Variants in GTPBP4 observed in about 807,000 individuals in gnomAD.
The protein encoded by GTPBP4 is GTP binding protein 4, also known as GTP-binding protein 4.
Under a neutral mutation model 81.7 loss-of-function variants are expected in GTPBP4, and 15 were observed. The ratio of observed to expected loss-of-function variants is 0.18; its 90% CI spans 0.12 to 0.28. The LOEUF (loss-of-function observed/expected upper bound fraction) is 0.28, where lower values mean the gene tolerates loss of function less well. Among genes scored for constraint, GTPBP4 ranks in the 10% least tolerant of loss-of-function variants. GTPBP4 has a pLI of 1.00. For synonymous variants in GTPBP4, 272 were observed against 274.6 expected (o/e 0.99, Z 0.09); for missense variants, 847 against 793.8 (o/e 1.07, Z -0.81).
At chr10:1,011,380 C>CATT (rs1471014350) in intron 13 of GTPBP4, among the ~76,000 whole-genome samples, 3 of 152,354 alleles carry the variant, frequency 2.0e-5, no homozygotes, top group South Asian at 4.1e-4. Flanking sequence ...CCGTGTCCTC[C>CATT]ATTAGTTGCT....
intron 14 of GTPBP4, among the ~76,000 whole-genome samples, chr10:1,013,176 G>GT (rs1014581060): frequency 9.7e-4 from 147 of 152,058 alleles, no homozygotes; most frequent in Admixed American, 1.8e-3. Context: ...TGGAGATGGG[G>GT]TTTCACCATG....
At chr10:1,008,923 A>T in intron 10 of GTPBP4, 35 bp from the exon 11 acceptor site, 1 of 1,480,584 alleles carries the variant, frequency 6.8e-7, no homozygotes, top group South Asian at 1.1e-5. Context: ...TTCAGCAGGC[A>T]TTTCACATAA....
intron 1 of GTPBP4, among the ~76,000 whole-genome samples, chr10:989,810 G>T (rs1564464279): frequency 6.6e-6 from 1 of 152,066 alleles, no homozygotes; most frequent in African/African-American, 2.4e-5. Context: ...GTGTGATCCT[G>T]ACTGCAGCCA....
chr10:1,007,852 G>A (rs761268528), intron 10 of GTPBP4: 36 of 511,760 alleles, frequency 7.0e-5, no homozygotes, highest in South Asian at 3.6e-4. Context: ...TGCTGGGTGC[G>A]GTTGAGCATG....
In GTPBP4 at chr10:1,005,884, G is replaced by A. The variant is rs527956079; in HGVS notation, c.979G>A (p.Gly327Ser). ...VIETSTLTEE[G>S]VIKVKTEACD... Reference sequence around the variant, plus strand: ...AGAGACCAGCACCCTGACTGAGGAAGGTGTTATTAAAGTTAAAACAGAGGT... The same window carrying A: ...AGAGACCAGCACCCTGACTGAGGAAAGTGTTATTAAAGTTAAAACAGAGGT... Residue 327 changes from glycine (G) to serine (S), a missense_variant, in exon 9 of 17, where the codon GGT becomes AGT. Coordinates refer to ENST00000360803, the MANE Select transcript of GTPBP4 (RefSeq NM_012341.3). 2.5e-5 allele frequency: 39 copies of A among 1,584,416 alleles called. 1 individual carries two copies. In the Middle Eastern group the frequency reaches 8.4e-4, roughly 34 times the overall value.
Position 1,019,406 on chromosome 10 carries a change from C to A in GTPBP4, c.*2179C>A, listed in dbSNP as rs557918948. On this transcript the variant is annotated 3_prime_UTR_variant, in exon 17 of 17. Transcript: ENST00000360803. ...GAAATAGTGATTTATACATGATGGG[C>A]AATCAAGTGCCCCTTTTGCCCTGTT... is the stretch of plus-strand genomic sequence containing the variant. 1.3e-3 allele frequency: 907 copies of A among 712,576 alleles called. 2 individuals are homozygous for A. The highest frequency in any genetic ancestry group is 2.0e-3 in the Middle Eastern group (5 of 2,536). The allele number at this position is 712,576 out of a possible 1,614,324, so 44.1% of individuals were successfully genotyped here.
intron 1 of GTPBP4, chr10:988,852 G>C (rs1831390444): frequency 3.4e-6 from 1 of 293,804 alleles, no homozygotes; most frequent in Non-Finnish European, 6.4e-6. Context: ...CGAGTGGAGG[G>C]GGACCCCGAC....
chr10:1,007,316 C>T (rs1335599853), intron 10 of GTPBP4, 188 bp downstream of exon 10: 9 of 534,402 alleles, frequency 1.7e-5, no homozygotes, highest in East Asian at 2.9e-5. Flanking sequence ...CGCCACATGG[C>T]ACCCGTTTCC....
Position 1,007,137 on chromosome 10 carries a change from G to C in GTPBP4, c.1113+9G>C. 6.8e-7 allele frequency: 1 copy of C among 1,472,248 alleles called. No homozygotes were observed. The highest frequency in any genetic ancestry group is 9.5e-7 in the Non-Finnish European group (1 of 1,050,516). The allele number at this position is 1,472,248 out of a possible 1,614,324, so 91.2% of individuals were successfully genotyped here. Reference sequence around the variant, plus strand: ...CCAGGAGGGACGATAAGGTAAGACGGCCCCTGGGACAGCCGTGGGCTCACA... The same window carrying C: ...CCAGGAGGGACGATAAGGTAAGACGCCCCCTGGGACAGCCGTGGGCTCACA... On this transcript the variant is annotated intron_variant, in intron 10 of 16. Coordinates refer to ENST00000360803, the MANE Select transcript of GTPBP4 (RefSeq NM_012341.3).
chr10:1,006,022 G>A (rs570020122), intron 9 of GTPBP4, 115 bp downstream of exon 9: 23 of 636,358 alleles, frequency 3.6e-5, no homozygotes, highest in African/African-American at 3.3e-4. Context: ...TGGAGCCCTC[G>A]CAGTAGCGAG....
chr10:1,010,326 T>TGGG, intron 12 of GTPBP4, 94 bp from the exon 13 acceptor site: 1 of 705,414 alleles, frequency 1.4e-6, no homozygotes, highest in Non-Finnish European at 2.6e-6. Context: ...AGTGGAGTCG[T>TGGG]TGATTTGCCG....
In GTPBP4 at chr10:996,022, T is replaced by G. The variant is rs769431730; in HGVS notation, c.313T>G (p.Leu105Val). Reference protein sequence around the residue: ...ALGQINIAKNLVDNVAKDYVR... With the variant: ...ALGQINIAKNVVDNVAKDYVR... ...GGGGCAAATAAATATTGCCAAAAATTTAGTGGACAAGTAAGGTACTTTTTT... is the reference window on the plus strand; with the variant it reads ...GGGGCAAATAAATATTGCCAAAAATGTAGTGGACAAGTAAGGTACTTTTTT... The change falls in exon 3 of 17, where the codon TTA becomes GTA. Residue 105 changes from leucine (L) to valine (V), a missense_variant. Physicochemically the swap from Leu to Val is conservative, Grantham distance 32. Transcript: ENST00000360803. 3.7e-6 allele frequency: 6 copies of G among 1,604,616 alleles called. No individual in the cohort carries two copies. The highest frequency in any genetic ancestry group is 5.1e-6 in the Non-Finnish European group (6 of 1,171,508).
chr10:997,970 A>G (rs1831562686), intron 5 of GTPBP4, among the ~76,000 whole-genome samples: 1 of 152,230 alleles, frequency 6.6e-6, no homozygotes, highest in Admixed American at 6.5e-5. Flanking sequence ...GGAAGAGGCA[A>G]AGCAACATTT....
At chr10:1,006,930 G>C in intron 9 of GTPBP4, 88 bp from the exon 10 acceptor site, 2 of 804,316 alleles carry the variant, frequency 2.5e-6, no homozygotes, top group Non-Finnish European at 4.4e-6. Flanking sequence ...AGGCTCAGTG[G>C]CTCTGATCTG....
chr10:1,007,035 G>A lies in GTPBP4; in HGVS notation c.1020G>A (p.Leu340=). ...KVKTEACDRL[L]AHRVETKMKG... ...GTTATTAGGCTTGCGATAGGCTTTT[G>A]GCTCATCGAGTGGAAACCAAAATGA... Residue 340 remains leucine, a synonymous_variant, in exon 10 of 17, where the codon TTG becomes TTA. Coordinates refer to ENST00000360803, the MANE Select transcript of GTPBP4 (RefSeq NM_012341.3). 1 of 1,609,856 alleles carries A rather than the reference G, an allele frequency of 6.2e-7. No individual in the cohort carries two copies. The highest frequency in any genetic ancestry group is 8.5e-7 in the Non-Finnish European group (1 of 1,176,126).
intron 10 of GTPBP4, chr10:1,008,169 CTGGGAGGCCGAGGCGGG>C: frequency 2.2e-6 from 1 of 453,556 alleles, no homozygotes. Flanking sequence ...TCCCAGCACT[CTGGGAGGCCGAGGCGGG>C]TGGATCACCT....
chr10:1,015,158 C>T (rs562274694), intron 15 of GTPBP4, among the ~76,000 whole-genome samples: 2 of 152,200 alleles, frequency 1.3e-5, no homozygotes, highest in Non-Finnish European at 2.9e-5. Flanking sequence ...AGCTTTCTTA[C>T]GTAAAGCAGC....
chr10:1,009,820 C>T (rs1361760635), intron 12 of GTPBP4, among the ~76,000 whole-genome samples: 1 of 152,150 alleles, frequency 6.6e-6, no homozygotes, highest in Non-Finnish European at 1.5e-5. Context: ...CATGGCAGAA[C>T]CCCGTCTCTA....
chr10:1,012,373 G>A, intron 13 of GTPBP4, 92 bp from the exon 14 acceptor site: 1 of 860,316 alleles, frequency 1.2e-6, no homozygotes, highest in South Asian at 1.8e-5. Flanking sequence ...CTGAGTCAGG[G>A]AAACAAAGCT....
Sources: allele counts gnomAD v4.1 joint callset (sites outside exome capture counted in the v4.1 genomes callset), GRCh38; gene constraint gnomAD v4.1.1; transcripts MANE v1.5; gene names NCBI Gene and HGNC (gene_info 2026-07-23, HGNC 2026-07-21).